The following FLYWCH2 variants were observed in gnomAD, a reference collection of about 807,000 sequenced individuals.
FLYWCH2 encodes FLYWCH family member 2.
FLYWCH2 carries 2 observed loss-of-function variants against 6.0 expected under a neutral mutation model. The ratio of observed to expected loss-of-function variants is 0.33; its 90% confidence interval spans 0.14 to 1.04. The LOEUF is 1.04. Ranked by LOEUF, FLYWCH2 falls within the 50% of genes least tolerant of loss-of-function variation. The pLI is 0.45. For missense variants in FLYWCH2, 192 were observed against 183.4 expected, an observed-to-expected ratio of 1.05 and a Z score of -0.27; for synonymous variants, 87 against 79.3, an observed-to-expected ratio of 1.10 and a Z score of -0.52.
intron 1 of FLYWCH2, among the ~76,000 whole-genome samples, chr16:2,892,627 C>T (rs575508067): frequency 9.9e-5 from 15 of 151,810 alleles, no homozygotes; most frequent in African/African-American, 1.2e-4. Flanking sequence ...GGGTGGATCA[C>T]GAGGTCAACA....
chr16:2,887,099 TA>T (rs888006804), intron 1 of FLYWCH2, among the ~76,000 whole-genome samples: 4 of 151,798 alleles, frequency 2.6e-5, no homozygotes, highest in Admixed American at 1.3e-4. Context: ...GTTTTTCTTT[TA>T]AAAAAAAGTT....
rs568304557 is a variant in FLYWCH2 at position 2,888,926 on chromosome 16, C to T, written c.-200+5560C>T. ...TGGAAGCAAATTTATTATTGCACTACTTAGGAGGTGTGCATGGGACTAATT... is the reference window on the plus strand; with the variant it reads ...TGGAAGCAAATTTATTATTGCACTATTTAGGAGGTGTGCATGGGACTAATT... On this transcript the variant is annotated intron_variant, in intron 1 of 3. Transcript: ENST00000396958. Among the ~76,000 whole-genome samples the T allele has an allele frequency of 7.2e-5, 11 of 152,152 alleles. No individual in the cohort carries two copies. The East Asian group carries it at 2.1e-3, about 29-fold the overall frequency.
chr16:2,888,623 C>T (rs1425486946), intron 1 of FLYWCH2, among the ~76,000 whole-genome samples: 4 of 151,740 alleles, frequency 2.6e-5, no homozygotes, highest in African/African-American at 9.7e-5. Flanking sequence ...TCTTTAATTT[C>T]TTTCAACAAT....
intron 1 of FLYWCH2, among the ~76,000 whole-genome samples, chr16:2,887,319 T>TTC (rs919330819): frequency 2.7e-5 from 4 of 148,074 alleles, no homozygotes; most frequent in African/African-American, 1.0e-4. Context: ...CTTTCTTTTT[T>TTC]TTTTTTTTTT....
At chr16:2,896,181 G>A (rs1333213568) in intron 2 of FLYWCH2, among the ~76,000 whole-genome samples, 171 bp from the exon 3 acceptor site, 3 of 152,176 alleles carry the variant, frequency 2.0e-5, no homozygotes, top group Non-Finnish European at 1.5e-5. Context: ...CGTTCCCAAG[G>A]CTGCCAGGAG....
chr16:2,890,104 A>G (rs2069738761), intron 1 of FLYWCH2, among the ~76,000 whole-genome samples: 1 of 151,978 alleles, frequency 6.6e-6, no homozygotes, highest in African/African-American at 2.4e-5. Flanking sequence ...AAAGAAAACT[A>G]ACCTATAGAC....
chr16:2,894,363 G>A (rs2069793397), intron 1 of FLYWCH2, among the ~76,000 whole-genome samples: 1 of 152,320 alleles, frequency 6.6e-6, no homozygotes, highest in South Asian at 2.1e-4. Flanking sequence ...AGGGAACCTG[G>A]CATTTATTCC....
intron 1 of FLYWCH2, among the ~76,000 whole-genome samples, chr16:2,886,821 G>A (rs768656574): frequency 2.9e-4 from 44 of 151,668 alleles, no homozygotes; most frequent in Non-Finnish European, 6.0e-4. Context: ...ATGCCCAGCC[G>A]CCCATTTTTA....
rs550650231 is a variant in FLYWCH2, at chr16:2,899,256, G to T, written c.*107G>T. On this transcript the variant is annotated 3_prime_UTR_variant, in exon 4 of 4. Coordinates refer to ENST00000396958, the MANE Select transcript of FLYWCH2 (RefSeq NM_138439.3). ...GGTGAATCTTTGCTTTTAACATTGT[G>T]TGATTTCTTTTCTTTTTTTTTTTTT... 2.1e-5 allele frequency: 11 copies of T among 513,082 alleles called. No individual in the cohort carries two copies. Among genetic ancestry groups the T allele is most frequent in the South Asian group, 1.1e-4 (3 of 28,126 alleles). The allele number at this position is 513,082 out of a possible 1,614,324, so 31.8% of individuals were successfully genotyped here.
Position 2,899,140 on chromosome 16 carries a change from G to A in FLYWCH2, c.414G>A (p.Lys138=), listed in dbSNP as rs201098556. ...NFAPCSVAPG[K]SL ...CCCCCTGCTCTGTGGCGCCCGGCAA[G>A]TCCCTGTAACCTTGACAACAGGCGC... Residue 138 remains lysine (K), a synonymous_variant, in exon 4 of 4, where the codon AAG becomes AAA. Coordinates refer to ENST00000396958, the MANE Select transcript of FLYWCH2 (RefSeq NM_138439.3). The A allele has an allele frequency of 1.9e-6, 3 of 1,612,994 alleles. No homozygotes were observed. Among genetic ancestry groups the A allele is most frequent in the East Asian group, 2.2e-5 (1 of 44,778 alleles).
rs76856609 is a variant in FLYWCH2 at position 2,888,933 on chromosome 16, G to A, written c.-200+5567G>A. ...AAATTTATTATTGCACTACTTAGGA[G>A]GTGTGCATGGGACTAATTGTAGAAA... On this transcript the variant is annotated intron_variant, in intron 1 of 3. Transcript: ENST00000396958. 6.3e-3 allele frequency among the ~76,000 whole-genome samples: 954 copies of A among 152,176 alleles called. 17 individuals are homozygous for A. The highest frequency in any genetic ancestry group is 0.022 in the African/African-American group (911 of 41,440).
chr16:2,887,627 G>A (rs572242982), intron 1 of FLYWCH2, among the ~76,000 whole-genome samples: 1 of 151,802 alleles, frequency 6.6e-6, no homozygotes, highest in East Asian at 1.9e-4. Context: ...CTGAGGTACA[G>A]CAGCACAATC....
chr16:2,892,500 A>AAG (rs1303348359), intron 1 of FLYWCH2, among the ~76,000 whole-genome samples: 1 of 151,264 alleles, frequency 6.6e-6, no homozygotes. Flanking sequence ...CATCTCAAAA[A>AAG]AAAAACACAA....
rs1005806780 is a variant in FLYWCH2, at chr16:2,883,262, C to A, written c.-304C>A. 6.6e-6 allele frequency: 1 copy of A among 152,292 alleles called. No homozygotes were observed. The highest frequency in any genetic ancestry group is 1.5e-5 in the Non-Finnish European group (1 of 68,082). The allele number at this position is 152,292 out of a possible 1,614,324, so 9.4% of individuals were successfully genotyped here. ...TTGCTGCGCATGCTCGCGCTGTGACCCCGGCTTGAGGTAACAGCGCGAGCT... is the reference window on the plus strand; with the variant it reads ...TTGCTGCGCATGCTCGCGCTGTGACACCGGCTTGAGGTAACAGCGCGAGCT... On this transcript the variant is annotated 5_prime_UTR_variant, in exon 1 of 4. Coordinates refer to ENST00000396958, the MANE Select transcript of FLYWCH2 (RefSeq NM_138439.3).
At chr16:2,890,855 C>T (rs1037329446) in intron 1 of FLYWCH2, among the ~76,000 whole-genome samples, 1 of 152,190 alleles carries the variant, frequency 6.6e-6, no homozygotes, top group African/African-American at 2.4e-5. Flanking sequence ...ACGTCAGCCA[C>T]CTCGCCCAGC....
chr16:2,892,936 C>G (rs2150847983), intron 1 of FLYWCH2, among the ~76,000 whole-genome samples: 1 of 138,430 alleles, frequency 7.2e-6, no homozygotes. Context: ...ATATATATAC[C>G]ATATATGTTG....
chr16:2,898,393 C>CT (rs1417466146), intron 3 of FLYWCH2, among the ~76,000 whole-genome samples: 2 of 152,184 alleles, frequency 1.3e-5, no homozygotes, highest in Non-Finnish European at 2.9e-5. Context: ...CTGGCTTCTC[C>CT]TGCCAACCTT....
chr16:2,893,440 T>C (rs2069781637), intron 1 of FLYWCH2, among the ~76,000 whole-genome samples: 1 of 152,134 alleles, frequency 6.6e-6, no homozygotes, highest in African/African-American at 2.4e-5. Flanking sequence ...ACCAAATATA[T>C]ATTTCACAAT....
intron 1 of FLYWCH2, among the ~76,000 whole-genome samples, chr16:2,889,958 G>T (rs892238652): frequency 2.0e-5 from 3 of 152,106 alleles, no homozygotes; most frequent in African/African-American, 7.2e-5. Flanking sequence ...AGTGGTGCGT[G>T]TCTGTAGTCT....
Sources: allele counts gnomAD v4.1 joint callset (sites outside exome capture counted in the v4.1 genomes callset), GRCh38; gene constraint gnomAD v4.1.1; transcripts MANE v1.5; gene names NCBI Gene and HGNC (gene_info 2026-07-23, HGNC 2026-07-21).